Variants in ACOXL observed in about 807,000 individuals in gnomAD.
ACOXL encodes the protein acyl-coenzyme A oxidase-like protein.
Under a neutral mutation model 71.9 loss-of-function variants are expected in ACOXL, and 70 were observed. The observed-to-expected ratio is 0.97, with a 90% CI of 0.80 to 1.19. The LOEUF is 1.19. Among genes scored for constraint, ACOXL ranks in the 50% most tolerant of loss-of-function variants. ACOXL has a pLI of 0.00. For synonymous variants in ACOXL, 253 were observed against 281.6 expected, an observed-to-expected ratio of 0.90 and a Z score of 1.02; for missense variants, 703 against 736.3, an observed-to-expected ratio of 0.95 and a Z score of 0.52.
At chr2:110,738,967 A>G (rs748496324) in intron 1 of ACOXL, among the ~76,000 whole-genome samples, 1 of 152,038 alleles carries the variant, frequency 6.6e-6, no homozygotes, top group Non-Finnish European at 1.5e-5. Flanking sequence ...TCCTTTTTCA[A>G]CAGCATCTGT....
intron 10 of ACOXL, among the ~76,000 whole-genome samples, chr2:110,898,375 T>TA (rs1297035367): frequency 1.3e-5 from 2 of 152,078 alleles, no homozygotes; most frequent in African/African-American, 4.8e-5. Flanking sequence ...TTTAGCAATA[T>TA]AAAAAAACTA....
intron 11 of ACOXL, among the ~76,000 whole-genome samples, chr2:110,931,794 A>G (rs2060487256): frequency 6.6e-6 from 1 of 152,246 alleles, no homozygotes; most frequent in African/African-American, 2.4e-5. Flanking sequence ...AGGAATGTAG[A>G]ACAACTATAA....
chr2:110,757,949 A>AT (rs1679912770), intron 1 of ACOXL, among the ~76,000 whole-genome samples: 1 of 152,202 alleles, frequency 6.6e-6, no homozygotes, highest in South Asian at 2.1e-4. Context: ...TGGTGTCTTC[A>AT]TTATAAAATC....
intron 14 of ACOXL, among the ~76,000 whole-genome samples, chr2:111,000,726 A>G (rs2063585770): frequency 6.6e-6 from 1 of 152,110 alleles, no homozygotes; most frequent in South Asian, 2.1e-4. Flanking sequence ...CACATGACAT[A>G]CCCATGATAT....
intron 12 of ACOXL, among the ~76,000 whole-genome samples, chr2:110,938,064 G>A (rs939897371): frequency 6.6e-6 from 1 of 152,226 alleles, no homozygotes; most frequent in African/African-American, 2.4e-5. Context: ...AGCACGACGA[G>A]GCAGGCCCTG....
At chr2:110,982,179 T>C (rs896921147) in intron 12 of ACOXL, among the ~76,000 whole-genome samples, 3 of 152,132 alleles carry the variant, frequency 2.0e-5, no homozygotes, top group African/African-American at 7.2e-5. Context: ...TTTTTTGAGA[T>C]GGAGTCTTGC....
chr2:110,806,684 G>C (rs1686683104), intron 9 of ACOXL, among the ~76,000 whole-genome samples: 1 of 152,346 alleles, frequency 6.6e-6, no homozygotes, highest in East Asian at 1.9e-4. Flanking sequence ...GTAGCCTGCA[G>C]ACCATCCTGA....
At chr2:111,027,579 CA>C (rs2065075964) in intron 14 of ACOXL, among the ~76,000 whole-genome samples, 1 of 151,098 alleles carries the variant, frequency 6.6e-6, no homozygotes, top group African/African-American at 2.4e-5. Flanking sequence ...CTCAGCCTCC[CA>C]AAGTGCTGGG....
At position 111,049,065 on chromosome 2, in the gene ACOXL, T is replaced by C. The variant is rs1041796516; in HGVS notation, c.1370-153T>C. Among the ~76,000 whole-genome samples the C allele has an allele frequency of 7.2e-5, 11 of 152,234 alleles. No homozygotes were observed. In the East Asian group the frequency reaches 1.9e-3, roughly 27 times the overall value. ...TCACTGTACGGGGGCCCCTGACCCA[T>C]GCAGGGGACAGTTGGGGAGCTCTGC... On this transcript the variant is annotated intron_variant, in intron 15 of 17. Coordinates refer to ENST00000439055, the MANE Select transcript of ACOXL (RefSeq NM_001142807.4).
chr2:110,854,711 G>A (rs1693034751), intron 10 of ACOXL, among the ~76,000 whole-genome samples: 1 of 152,236 alleles, frequency 6.6e-6, no homozygotes, highest in African/African-American at 2.4e-5. Flanking sequence ...ACCTGGCAGA[G>A]ATCTGGAAAG....
chr2:110,816,790 G>C (rs1261771271), intron 9 of ACOXL, among the ~76,000 whole-genome samples: 1 of 152,210 alleles, frequency 6.6e-6, no homozygotes, highest in Non-Finnish European at 1.5e-5. Context: ...ATCCGGGTGA[G>C]AGAAATGAAT....
chr2:110,797,793 A>G (rs1470408167), intron 5 of ACOXL, among the ~76,000 whole-genome samples: 1 of 152,160 alleles, frequency 6.6e-6, no homozygotes, highest in East Asian at 1.9e-4. Context: ...TGCAGGTGGG[A>G]TATTTGGAGA....
chr2:111,023,492 TG>T (rs2064874292), intron 14 of ACOXL, among the ~76,000 whole-genome samples: 1 of 151,878 alleles, frequency 6.6e-6, no homozygotes, highest in Admixed American at 6.6e-5. Flanking sequence ...CTGTAGCCCG[TG>T]GAAGTGGTAT....
At chr2:110,846,636 T>TACACACACACAC (rs1452445738) in intron 10 of ACOXL, among the ~76,000 whole-genome samples, 29 of 44,888 alleles carry the variant, frequency 6.5e-4, no homozygotes, top group Admixed American at 4.6e-3. Context: ...CAAGTATGCA[T>TACACACACACAC]ACACGCACAC....
chr2:111,002,237 C>T (rs2063669139), intron 14 of ACOXL, among the ~76,000 whole-genome samples: 1 of 150,994 alleles, frequency 6.6e-6, no homozygotes, highest in Non-Finnish European at 1.5e-5. Flanking sequence ...GTTCCTAACT[C>T]TCATAGACTG....
intron 12 of ACOXL, among the ~76,000 whole-genome samples, chr2:110,966,996 C>G (rs925247268): frequency 2.0e-5 from 3 of 152,094 alleles, no homozygotes; most frequent in African/African-American, 7.2e-5. Flanking sequence ...CTGGGTACAA[C>G]AAAACATCAC....
intron 7 of ACOXL, among the ~76,000 whole-genome samples, chr2:110,800,570 AC>A (rs1409559893): frequency 2.6e-5 from 4 of 151,572 alleles, no homozygotes; most frequent in Non-Finnish European, 5.9e-5. Context: ...TGAGATCAGG[AC>A]ATGCCTGTAT....
chr2:110,994,793 C>T (rs1428110595), intron 13 of ACOXL, among the ~76,000 whole-genome samples: 7 of 152,136 alleles, frequency 4.6e-5, no homozygotes, highest in Admixed American at 1.3e-4. Flanking sequence ...ATCTCTGTAG[C>T]ACATCCTCCC....
chr2:111,113,569 T>C (rs1262361144), intron 17 of ACOXL, among the ~76,000 whole-genome samples: 3 of 152,222 alleles, frequency 2.0e-5, no homozygotes, highest in Non-Finnish European at 4.4e-5. Flanking sequence ...GTGGAAAGCA[T>C]AGATACTGCA....
Sources: gnomAD v4.1 joint callset for allele counts (sites outside exome capture counted in the v4.1 genomes callset) on GRCh38, gnomAD v4.1.1 for gene constraint, MANE v1.5 for transcripts, NCBI Gene and HGNC (gene_info 2026-07-23, HGNC 2026-07-21) for gene names.